The following TUT1 variants were observed in gnomAD, a reference collection of about 807,000 sequenced individuals.
TUT1 encodes the protein speckle targeted PIP5K1A-regulated poly(A) polymerase.
A neutral mutation model predicts 48.8 loss-of-function variants in TUT1; 26 were observed. The ratio of observed to expected loss-of-function variants is 0.53; its 90% CI spans 0.39 to 0.74. The LOEUF is 0.74. Ranked by LOEUF, TUT1 falls within the 30% of genes least tolerant of loss-of-function variation. The pLI, the probability that TUT1 is intolerant of heterozygous loss-of-function variation, is 0.00. For missense variants in TUT1, 1,065 were observed against 1,114.8 expected, an observed-to-expected ratio of 0.96 and a Z score of 0.64; for synonymous variants, 470 against 460.8, an observed-to-expected ratio of 1.02 and a Z score of -0.26.
At position 62,576,192 on chromosome 11, in the gene TUT1, G is replaced by A. The variant is rs1014130361; in HGVS notation, c.1527C>T (p.Gly509=). 6.2e-6 allele frequency: 10 copies of A among 1,608,852 alleles called. No individual in the cohort carries two copies. In the Middle Eastern group the frequency reaches 1.5e-3, roughly 240 times the overall value. The stretch of plus-strand genomic sequence containing the variant: ...GACCCTCCCGCAGGGACAGCAGGGA[G>A]CCACGAAGATCCCAACAAGATACAC... The part of the protein sequence containing the change: ...FSCVSCWDLR[G]SLLSLREGQA... Residue 509 remains glycine, a synonymous_variant, in exon 9 of 9, where the codon GGC becomes GGT. Transcript: ENST00000476907.
In TUT1 at chr11:62,576,232, G is replaced by T; in HGVS notation, c.1487C>A (p.Ala496Asp). Residue 496 changes from alanine (A) to aspartate (D), a missense_variant, in exon 9 of 9, where the codon GCC (alanine) becomes GAC (aspartate). By Grantham distance (126) the Ala-to-Asp change is moderately radical. Coordinates refer to ENST00000476907, the MANE Select transcript of TUT1 (RefSeq NM_022830.3). ...INVEPLSSLL[A>D]QFFSCVSCWD... Reference sequence around the variant, plus strand: ...ACAAGATACACAGGAGAAGAACTGGGCTAGCAGGGAACCTGGAGGAGGAGG... The same window carrying T: ...ACAAGATACACAGGAGAAGAACTGGTCTAGCAGGGAACCTGGAGGAGGAGG... 6.3e-7 allele frequency: 1 copy of T among 1,583,944 alleles called. No individual in the cohort carries two copies. Among genetic ancestry groups the T allele is most frequent in the Non-Finnish European group, 8.6e-7 (1 of 1,164,692 alleles).
At chr11:62,585,277 T>C (rs909980568) in intron 2 of TUT1, among the ~76,000 whole-genome samples, 3 of 152,100 alleles carry the variant, frequency 2.0e-5, no homozygotes, top group African/African-American at 7.2e-5. Flanking sequence ...CACATCACCA[T>C]GCGCAGACTT....
Position 62,575,146 on chromosome 11 carries a change from A to C in TUT1, c.2573T>G (p.Leu858Arg), listed in dbSNP as rs1941697981. ...LQDPQGLFPDLHHFLQVFLPQ... is the reference protein window; with the variant it reads ...LQDPQGLFPDRHHFLQVFLPQ... ...GAGGAAAACCTGTAAGAAATGATGGAGATCAGGGAACAGGCCTTGGGGATC... is the reference window on the plus strand; with the variant it reads ...GAGGAAAACCTGTAAGAAATGATGGCGATCAGGGAACAGGCCTTGGGGATC... The change falls in exon 9 of 9, where the codon CTC (leucine) becomes CGC (arginine). Residue 858 changes from leucine (L) to arginine (R), a missense_variant. Leu to Arg is a moderately radical substitution (Grantham distance 102, BLOSUM62 -2). Coordinates refer to ENST00000476907, the MANE Select transcript of TUT1 (RefSeq NM_022830.3). 1.3e-6 allele frequency: 2 copies of C among 1,591,302 alleles called. No homozygotes were observed. Among genetic ancestry groups the C allele is most frequent in the African/African-American group, 1.3e-5 (1 of 74,100 alleles).
chr11:62,578,497 A>G (rs1231410379), intron 5 of TUT1, 64 bp downstream of exon 5: 1 of 1,446,550 alleles, frequency 6.9e-7, no homozygotes, highest in Non-Finnish European at 9.3e-7. Context: ...GAGAGCCAAG[A>G]TGGCACCACT....
chr11:62,578,859 G>A lies in TUT1; in HGVS notation c.862C>T (p.Gln288Ter). 6.2e-7 allele frequency: 1 copy of A among 1,612,466 alleles called. No homozygotes were observed. ...GAGGCCAAGGCAGAGTCCGGAGTTTGGGGCGCCAGGGAGGAGGAAGGGGTT... is the reference window on the plus strand; with the variant it reads ...GAGGCCAAGGCAGAGTCCGGAGTTTAGGGCGCCAGGGAGGAGGAAGGGGTT... ...FETPSSSLAPQTPDSALASET... is the reference protein window; with the variant it reads ...FETPSSSLAP Residue 288 changes from glutamine (Q) to a stop codon, truncating the protein, a stop_gained, in exon 5 of 9, where the codon CAA becomes TAA. Transcript: ENST00000476907. LOFTEE classifies it high-confidence loss of function.
Position 62,576,152 on chromosome 11 carries a change from C to A in TUT1, c.1567G>T (p.Ala523Ser). 1 of 1,613,990 alleles carries A rather than the reference C, an allele frequency of 6.2e-7. No homozygotes were observed. Among genetic ancestry groups the A allele is most frequent in the Non-Finnish European group, 8.5e-7 (1 of 1,179,960 alleles). ...CAGAGATTAGAAGGCAGGCCCCCTG[C>A]CACAGGCAGTGCCTGACCCTCCCGC... ...SLREGQALPV[A>S]GGLPSNLWEG... Residue 523 changes from alanine to serine, a missense_variant, in exon 9 of 9, where the codon GCA (alanine) becomes TCA (serine). Ala to Ser is a moderately conservative substitution (Grantham distance 99, BLOSUM62 1). Coordinates refer to ENST00000476907, the MANE Select transcript of TUT1 (RefSeq NM_022830.3).
chr11:62,589,211 A>C lies in TUT1; in HGVS notation c.93T>G (p.Leu31=). Residue 31 remains leucine (L), a synonymous_variant, in exon 2 of 9, where the codon CTT becomes CTG. Coordinates refer to ENST00000476907, the MANE Select transcript of TUT1 (RefSeq NM_022830.3). ...CHVTTANRPS[L]DAHLGGRKHR... ...GCTTTCTGCCTCCCAAGTGGGCATC[A>C]AGGCTGGGTCCTGCAAAGACAAGTG... The C allele has an allele frequency of 6.2e-7, 1 of 1,614,024 alleles. No individual in the cohort carries two copies. Among genetic ancestry groups the C allele is most frequent in the Non-Finnish European group, 8.5e-7 (1 of 1,179,990 alleles).
chr11:62,578,033 C>T (rs533278532), intron 5 of TUT1, among the ~76,000 whole-genome samples: 1 of 146,072 alleles, frequency 6.8e-6, no homozygotes, highest in African/African-American at 2.6e-5. Flanking sequence ...TGCACTCCAG[C>T]CTGGGCAACA....
At chr11:62,578,377 C>G (rs544481670) in intron 5 of TUT1, among the ~76,000 whole-genome samples, 184 bp downstream of exon 5, 11 of 152,156 alleles carry the variant, frequency 7.2e-5, no homozygotes, top group Non-Finnish European at 1.0e-4. Context: ...GAAACCCCGT[C>G]TCTACTAAAA....
Position 62,581,126 on chromosome 11 carries a change from C to T in TUT1, c.670G>A (p.Gly224Ser), listed in dbSNP as rs765299801. 1 of 1,614,048 alleles carries T rather than the reference C, an allele frequency of 6.2e-7. No individual in the cohort carries two copies. The highest frequency in any genetic ancestry group is 8.5e-7 in the Non-Finnish European group (1 of 1,180,002). The change falls in exon 4 of 9, where the codon GGT becomes AGT. Residue 224 changes from glycine to serine, a missense_variant. Physicochemically the swap from Gly to Ser is moderately conservative, Grantham distance 56. Transcript: ENST00000476907. ...GCDLDLFLDL[G>S]DLEEPQPVPK... The stretch of plus-strand genomic sequence containing the variant: ...CTCACCTGGGGCTCTTCCAAGTCAC[C>T]CAGATCCAAGAAGAGGTCAAGATCA...
intron 1 of TUT1, among the ~76,000 whole-genome samples, chr11:62,590,854 T>C (rs117928179): frequency 0.013 from 1,989 of 151,430 alleles, 30 homozygotes; most frequent in African/African-American, 0.032. Flanking sequence ...AGTGAACCCC[T>C]TGTGTGTCAT....
intron 2 of TUT1, among the ~76,000 whole-genome samples, chr11:62,584,728 A>G (rs1448230583): frequency 6.6e-6 from 1 of 150,960 alleles, no homozygotes; most frequent in Non-Finnish European, 1.5e-5. Flanking sequence ...ACAGGCCATG[A>G]GCCACCATGC....
Position 62,577,212 on chromosome 11 carries a change from G to A in TUT1, c.1240C>T (p.Arg414Cys), listed in dbSNP as rs754364328. 7.5e-6 allele frequency: 12 copies of A among 1,610,424 alleles called. No homozygotes were observed. The highest frequency in any genetic ancestry group is 1.3e-5 in the African/African-American group (1 of 74,584). The change falls in exon 6 of 9, where the codon CGC (arginine) becomes TGC (cysteine). Residue 414 changes from arginine to cysteine, a missense_variant. Coordinates refer to ENST00000476907, the MANE Select transcript of TUT1 (RefSeq NM_022830.3). ...AGCCCCCGACCCTGAGCCCAGCAGC[G>A]GAGGGTGTACACGAGGGGCCGGACT... The part of the protein sequence containing the change: ...GRVRPLVYTL[R>C]CWAQGRGLSG...
chr11:62,576,314 G>C, intron 8 of TUT1, 70 bp from the exon 9 acceptor site: 1 of 1,444,506 alleles, frequency 6.9e-7, no homozygotes, highest in Non-Finnish European at 9.1e-7. Context: ...TCCTGCACCA[G>C]AGCCATTTCC....
In TUT1 at chr11:62,575,663, C is replaced by T. The variant is rs780452141; in HGVS notation, c.2056G>A (p.Glu686Lys). 1 of 1,614,190 alleles carries T rather than the reference C, an allele frequency of 6.2e-7. No homozygotes were observed. The highest frequency in any genetic ancestry group is 8.5e-7 in the Non-Finnish European group (1 of 1,180,030). The change falls in exon 9 of 9, where the codon GAA becomes AAA. Residue 686 changes from glutamate (E) to lysine (K), a missense_variant. Transcript: ENST00000476907. ...ATAACCATCTCTTCTACCCTGTCTT[C>T]CCCACCGTCCCCTGCACATCCCTGC... ...EQQGCAGDGGEDRVEEMVIEV... is the reference protein window; with the variant it reads ...EQQGCAGDGGKDRVEEMVIEV...
At chr11:62,581,805 G>A (rs1941831594) in intron 2 of TUT1, 104 bp from the exon 3 acceptor site, 1 of 1,037,092 alleles carries the variant, frequency 9.6e-7, no homozygotes, top group South Asian at 2.6e-5. Flanking sequence ...CCCATAAATT[G>A]AGAATATTTG....
In TUT1 at chr11:62,575,875, G is replaced by T; in HGVS notation, c.1844C>A (p.Pro615His). ...CAGGGCAGCAGTGAGCTGGGTGAAGGGTGCAAGGGGTAAAGGGATCGGCGT... is the reference window on the plus strand; with the variant it reads ...CAGGGCAGCAGTGAGCTGGGTGAAGTGTGCAAGGGGTAAAGGGATCGGCGT... ...SATPIPLPLA[P>H]FTQLTAALVQ... is the part of the protein sequence containing the mutation. The change falls in exon 9 of 9, where the codon CCC becomes CAC. Residue 615 changes from proline (P) to histidine (H), a missense_variant. Coordinates refer to ENST00000476907, the MANE Select transcript of TUT1 (RefSeq NM_022830.3). The T allele has an allele frequency of 3.1e-6, 5 of 1,614,180 alleles. No homozygotes were observed. The highest frequency in any genetic ancestry group is 4.2e-6 in the Non-Finnish European group (5 of 1,180,010).
In TUT1 at chr11:62,575,887, A is replaced by G. The variant is rs1484259492; in HGVS notation, c.1832T>C (p.Leu611Ser). ...SSLLSATPIPLPLAPFTQLTA... is the reference protein window; with the variant it reads ...SSLLSATPIPSPLAPFTQLTA... Reference sequence around the variant, plus strand: ...GAGCTGGGTGAAGGGTGCAAGGGGTAAAGGGATCGGCGTAGCAGAGAGCAG... The same window carrying G: ...GAGCTGGGTGAAGGGTGCAAGGGGTGAAGGGATCGGCGTAGCAGAGAGCAG... Residue 611 changes from leucine to serine, a missense_variant, in exon 9 of 9, where the codon TTA becomes TCA. Coordinates refer to ENST00000476907, the MANE Select transcript of TUT1 (RefSeq NM_022830.3). The G allele has an allele frequency of 6.2e-7, 1 of 1,614,160 alleles. No homozygotes were observed. Among genetic ancestry groups the G allele is most frequent in the South Asian group, 1.1e-5 (1 of 91,086 alleles).
At position 62,590,096 on chromosome 11, in the gene TUT1, C is replaced by T. The variant is rs113085586; in HGVS notation, c.83-875G>A. On this transcript the variant is annotated intron_variant, in intron 1 of 8. Transcript: ENST00000476907. ...GTAAATGTGGGGCCAAAGAAGACTC[C>T]TAGGTTTCTGGCTTGGCTTACTGGA... is the stretch of plus-strand genomic sequence containing the variant. 5.6e-4 allele frequency among the ~76,000 whole-genome samples: 86 copies of T among 152,320 alleles called. 1 individual carries two copies. The highest frequency in any genetic ancestry group is 1.9e-3 in the African/African-American group (81 of 41,564).
Sources: allele counts gnomAD v4.1 joint callset (sites outside exome capture counted in the v4.1 genomes callset), GRCh38; gene constraint gnomAD v4.1.1; transcripts MANE v1.5; gene names NCBI Gene and HGNC (gene_info 2026-07-23, HGNC 2026-07-21).